NRXN3: variants seen among roughly 807,000 people sequenced by gnomAD.
NRXN3 encodes neurexin 3, also known as neurexin III.
In NRXN3, 32 loss-of-function variants were observed where a neutral mutation model predicts 137.6. The observed-to-expected ratio is 0.23, with a 90% CI of 0.18 to 0.31. The LOEUF is 0.31. Ranked by LOEUF, NRXN3 falls within the 10% of genes least tolerant of loss-of-function variation. The probability of loss-of-function intolerance (pLI) is 1.00; values close to 1 mark genes in which losing one functional copy is unlikely to be tolerated. For missense variants in NRXN3, 1,574 were observed against 2,062.5 expected, an observed-to-expected ratio of 0.76 and a Z score of 4.59; for synonymous variants, 798 against 784.5, an observed-to-expected ratio of 1.02 and a Z score of -0.29.
At chr14:79,000,252 GT>G (rs1028956916) in intron 15 of NRXN3, among the ~76,000 whole-genome samples, 8 of 152,132 alleles carry the variant, frequency 5.3e-5, no homozygotes, top group African/African-American at 1.9e-4. Flanking sequence ...TCAAATGCAT[GT>G]ATGTGCATAC....
chr14:79,634,926 G>A lies in NRXN3; in HGVS notation c.3445-28852G>A, dbSNP rs74444892. ...GAGTGAGATCTTGAGGTATTTGTCCGTCTGTGTTTGGTTTATTTCATTTAA... is the reference window on the plus strand; with the variant it reads ...GAGTGAGATCTTGAGGTATTTGTCCATCTGTGTTTGGTTTATTTCATTTAA... On this transcript the variant is annotated intron_variant, in intron 16 of 20. Coordinates refer to ENST00000335750, the MANE Select transcript of NRXN3 (RefSeq NM_001330195.2). Among the ~76,000 whole-genome samples, 25 of 152,206 alleles carry A rather than the reference G, an allele frequency of 1.6e-4. No homozygotes were observed. The East Asian group carries it at 3.9e-3, about 24-fold the overall frequency.
chr14:78,328,694 A>G (rs2080413993), intron 4 of NRXN3, among the ~76,000 whole-genome samples: 1 of 152,192 alleles, frequency 6.6e-6, no homozygotes, highest in Non-Finnish European at 1.5e-5. Context: ...TTTTCCAGAT[A>G]TGTAATTTTA....
intron 4 of NRXN3, among the ~76,000 whole-genome samples, chr14:78,425,789 G>A (rs140599068): frequency 2.0e-5 from 3 of 152,210 alleles, no homozygotes; most frequent in East Asian, 3.9e-4. Context: ...ACCACAGTTC[G>A]TGGCATTTTC....
chr14:79,590,416 T>TCAAAA (rs2097793373), intron 16 of NRXN3, among the ~76,000 whole-genome samples: 1 of 92,290 alleles, frequency 1.1e-5, no homozygotes, highest in African/African-American at 5.6e-5. Flanking sequence ...TTTCTTTTGT[T>TCAAAA]AAAAAAAAAA....
At chr14:78,855,522 C>T (rs1315643653) in intron 10 of NRXN3, among the ~76,000 whole-genome samples, 1 of 152,130 alleles carries the variant, frequency 6.6e-6, no homozygotes, top group African/African-American at 2.4e-5. Flanking sequence ...CTGTGTACCT[C>T]CTCTTTATAC....
intron 10 of NRXN3, among the ~76,000 whole-genome samples, chr14:78,903,312 T>C (rs939869468): frequency 6.6e-6 from 1 of 151,858 alleles, no homozygotes; most frequent in African/African-American, 2.4e-5. Context: ...CCACAGCTGG[T>C]TATTTTCTTT....
intron 8 of NRXN3, among the ~76,000 whole-genome samples, chr14:78,761,136 C>G (rs2098691058): frequency 6.6e-6 from 1 of 152,144 alleles, no homozygotes; most frequent in Admixed American, 6.5e-5. Flanking sequence ...GAGAATTCAG[C>G]TAGAGAAAAA....
intron 10 of NRXN3, among the ~76,000 whole-genome samples, chr14:78,871,611 T>C (rs2099101528): frequency 6.6e-6 from 1 of 152,110 alleles, no homozygotes; most frequent in Admixed American, 6.6e-5. Flanking sequence ...TTTGTATCCT[T>C]TGAATAGTTA....
intron 15 of NRXN3, among the ~76,000 whole-genome samples, chr14:79,101,371 T>G (rs952356115): frequency 1.3e-5 from 2 of 152,184 alleles, no homozygotes; most frequent in African/African-American, 4.8e-5. Context: ...CCTTCTGGAG[T>G]GGCAGGAAAT....
chr14:79,415,655 A>G (rs2164435), intron 15 of NRXN3, among the ~76,000 whole-genome samples: 47,875 of 151,902 alleles, frequency 0.32, 8,209 homozygotes, highest in Middle Eastern at 0.53. Context: ...GTATGCCTCT[A>G]TACACCCATG....
intron 4 of NRXN3, among the ~76,000 whole-genome samples, chr14:78,461,530 C>T (rs2094921069): frequency 6.6e-6 from 1 of 152,088 alleles, no homozygotes; most frequent in African/African-American, 2.4e-5. Flanking sequence ...TCGGTTCTAA[C>T]CTAGTTTGTG....
chr14:78,303,117 A>C (rs1209653298), intron 4 of NRXN3, among the ~76,000 whole-genome samples: 2 of 152,184 alleles, frequency 1.3e-5, no homozygotes, highest in Admixed American at 1.3e-4. Flanking sequence ...GCTCCAGCCA[A>C]GTGGAATACC....
At position 79,474,522 on chromosome 14, in the gene NRXN3, T is replaced by C. The variant is rs57852163; in HGVS notation, c.3444+7120T>C. ...AGACTTTTGGAGCATCTCTTTAGCA[T>C]AAAGTGAAGAAGCAGTTACCTCTGA... On this transcript the variant is annotated intron_variant, in intron 16 of 20. Transcript: ENST00000335750. Among the ~76,000 whole-genome samples the C allele has an allele frequency of 6.5e-3, 993 of 152,238 alleles. 14 individuals carry two copies. Among genetic ancestry groups the C allele is most frequent in the African/African-American group, 0.023 (955 of 41,542 alleles).
chr14:79,202,683 A>C (rs1006942284), intron 15 of NRXN3, among the ~76,000 whole-genome samples: 2 of 152,180 alleles, frequency 1.3e-5, no homozygotes, highest in African/African-American at 2.4e-5. Flanking sequence ...CTCCAAACTC[A>C]TCCAGGTCAC....
chr14:78,432,914 G>C (rs1057009501), intron 4 of NRXN3, among the ~76,000 whole-genome samples: 3 of 152,164 alleles, frequency 2.0e-5, no homozygotes, highest in African/African-American at 7.2e-5. Flanking sequence ...GAGATCTAAG[G>C]GTTGGAGTCT....
chr14:79,838,780 C>G (rs1029548829), intron 20 of NRXN3, among the ~76,000 whole-genome samples: 1 of 152,126 alleles, frequency 6.6e-6, no homozygotes. Flanking sequence ...TGAAGGGGCA[C>G]AGTAGGAAGC....
At chr14:79,770,874 C>A in intron 19 of NRXN3, among the ~76,000 whole-genome samples, 1 of 151,992 alleles carries the variant, frequency 6.6e-6, no homozygotes, top group East Asian at 1.9e-4. Flanking sequence ...TGATAGACCA[C>A]TAGCAAGACT....
intron 15 of NRXN3, chr14:79,072,551 A>G (rs2099689300): frequency 6.6e-6 from 1 of 152,212 alleles, no homozygotes; most frequent in African/African-American, 2.4e-5. Flanking sequence ...GAGATAATAC[A>G]ATTTTTGTGG....
chr14:78,939,941 T>C (rs1246966141), intron 10 of NRXN3, among the ~76,000 whole-genome samples: 1 of 152,242 alleles, frequency 6.6e-6, no homozygotes, highest in Non-Finnish European at 1.5e-5. Flanking sequence ...TTTTTGTTGC[T>C]TGCTATGACA....
Sources: allele counts gnomAD v4.1 joint callset (sites outside exome capture counted in the v4.1 genomes callset), GRCh38; gene constraint gnomAD v4.1.1; transcripts MANE v1.5; gene names NCBI Gene and HGNC (gene_info 2026-07-23, HGNC 2026-07-21).